The following TENM1 variants were observed in gnomAD, a reference collection of about 807,000 sequenced individuals.
TENM1 encodes teneurin-1.
Under a neutral mutation model 174.8 loss-of-function variants are expected in TENM1, and 35 were observed. The observed-to-expected ratio is 0.20, with a 90% CI of 0.15 to 0.27. TENM1 has a LOEUF of 0.27. Ranked by LOEUF, TENM1 falls within the 10% of genes least tolerant of loss-of-function variation. The pLI is 1.00. For synonymous variants in TENM1, 781 were observed against 798.7 expected (o/e 0.98, Z 0.37); for missense variants, 1,633 against 2,130.1 (o/e 0.77, Z 4.59).
At chrX:125,032,854 T>A in the TENM1 span, among the ~76,000 whole-genome samples, 1 of 111,769 alleles carries the variant, frequency 8.9e-6, no homozygotes, top group Non-Finnish European at 1.9e-5. Context: ...GATTCTTGCA[T>A]GTGATTTTTG....
chrX:124,459,367 C>A (rs1364252945), intron 22 of TENM1, among the ~76,000 whole-genome samples: 2 of 111,201 alleles, frequency 1.8e-5, no homozygotes, highest in African/African-American at 6.5e-5. Context: ...TCATTCAATC[C>A]TCCCAACAGC....
At position 124,587,077 on chromosome X, in the gene TENM1, T is replaced by A. The variant is rs1193346425; in HGVS notation, c.2078-21517A>T. Reference sequence around the variant, plus strand: ...TGGAAGAACATTCCATGCTCATGGGTAGGAAGAATCAATATCGTGAAAATG... The same window carrying A: ...TGGAAGAACATTCCATGCTCATGGGAAGGAAGAATCAATATCGTGAAAATG... On this transcript the variant is annotated intron_variant, in intron 11 of 31. Transcript: ENST00000422452. Among the ~76,000 whole-genome samples the A allele has an allele frequency of 1.9e-4, 21 of 107,999 alleles. No homozygotes were observed. In the East Asian group the frequency reaches 2.3e-3, roughly 12 times the overall value. 93.8% of individuals were successfully genotyped at this position (107,999 alleles called of 115,157 possible). A position where few individuals can be genotyped will look rare whatever the true frequency, so the allele number is the denominator to read the frequency against.
chrX:124,757,725 A>T (rs191228822), intron 3 of TENM1, among the ~76,000 whole-genome samples: 69 of 112,643 alleles, frequency 6.1e-4, no homozygotes, highest in Middle Eastern at 4.6e-3. Context: ...TAGTCTTAAA[A>T]TTCGAGGGAT....
At chrX:124,962,059 TAGGTGATACA>T (rs1315626909) in intron 1 of TENM1, among the ~76,000 whole-genome samples, 1 of 111,563 alleles carries the variant, frequency 9.0e-6, no homozygotes, top group Admixed American at 9.5e-5. Context: ...TTAACAGATG[TAGGTGATACA>T]AGGAAGATGA....
chrX:124,812,674 C>T (rs955125761), intron 3 of TENM1, among the ~76,000 whole-genome samples: 7 of 111,050 alleles, frequency 6.3e-5, no homozygotes, highest in Admixed American at 1.9e-4. Context: ...ACTGTGGTAA[C>T]AAGGAAAAAT....
the TENM1 span, among the ~76,000 whole-genome samples, chrX:125,025,686 G>A: frequency 3.5e-4 from 39 of 111,214 alleles, no homozygotes; most frequent in African/African-American, 1.1e-3. Flanking sequence ...ATTAGTGACC[G>A]GGGAAGAAAA....
chrX:124,764,683 T>G (rs1177564966), intron 3 of TENM1, among the ~76,000 whole-genome samples: 1 of 81,571 alleles, frequency 1.2e-5, no homozygotes, highest in African/African-American at 5.9e-5. Context: ...TTTGGACTGT[T>G]TTTTTTTTTT....
At chrX:125,092,010 A>AAAG in the TENM1 span, among the ~76,000 whole-genome samples, 4 of 106,597 alleles carry the variant, frequency 3.8e-5, no homozygotes, top group African/African-American at 1.4e-4. Context: ...AAAAAAAAAA[A>AAAG]AGATTGGTTT....
chrX:124,636,313 G>A (rs1223515453), intron 11 of TENM1, among the ~76,000 whole-genome samples: 1 of 111,809 alleles, frequency 8.9e-6, no homozygotes, highest in Non-Finnish European at 1.9e-5. Flanking sequence ...AATCACAGAA[G>A]GACTATTCCT....
At chrX:124,676,042 C>G (rs1181678157) in intron 5 of TENM1, among the ~76,000 whole-genome samples, 1 of 105,646 alleles carries the variant, frequency 9.5e-6, no homozygotes, top group Non-Finnish European at 2.0e-5. Flanking sequence ...AACACTCATA[C>G]ACATAAGTCC....
chrX:125,144,244 A>G, the TENM1 span, among the ~76,000 whole-genome samples: 1 of 111,802 alleles, frequency 8.9e-6, no homozygotes, highest in Non-Finnish European at 1.9e-5. Flanking sequence ...GAATAATATA[A>G]TTATAGTTGT....
At chrX:125,121,813 T>G in the TENM1 span, among the ~76,000 whole-genome samples, 1 of 112,719 alleles carries the variant, frequency 8.9e-6, no homozygotes, top group Admixed American at 9.4e-5. Flanking sequence ...GGCTCACTCC[T>G]GTAATCACCA....
chrX:124,557,887 T>G (rs2048730139), intron 14 of TENM1, among the ~76,000 whole-genome samples: 1 of 112,043 alleles, frequency 8.9e-6, no homozygotes, highest in Admixed American at 9.5e-5. Context: ...GGTGATCATA[T>G]GTAACCAACT....
intron 22 of TENM1, among the ~76,000 whole-genome samples, chrX:124,460,373 A>G (rs1450458094): frequency 8.9e-6 from 1 of 112,095 alleles, no homozygotes; most frequent in Non-Finnish European, 1.9e-5. Flanking sequence ...TGTGGTACAT[A>G]TACACCATGG....
At chrX:124,464,382 T>G (rs1297957368) in intron 22 of TENM1, among the ~76,000 whole-genome samples, 2 of 112,134 alleles carry the variant, frequency 1.8e-5, no homozygotes, top group Non-Finnish European at 3.8e-5. Flanking sequence ...AAGCCAATAG[T>G]GCTCACTATT....
At chrX:125,060,197 A>T in the TENM1 span, among the ~76,000 whole-genome samples, 2 of 108,325 alleles carry the variant, frequency 1.8e-5, no homozygotes, top group Admixed American at 1.0e-4. Context: ...ACACACACAC[A>T]CACACACACA....
the TENM1 span, among the ~76,000 whole-genome samples, chrX:125,070,248 CTG>C: frequency 1.8e-5 from 2 of 110,353 alleles, no homozygotes; most frequent in Admixed American, 9.8e-5. Context: ...TGGTATTTCA[CTG>C]TGTTTTTGAT....
chrX:125,003,006 T>C, the TENM1 span, among the ~76,000 whole-genome samples: 2 of 112,016 alleles, frequency 1.8e-5, no homozygotes, highest in Admixed American at 1.9e-4. Flanking sequence ...AAAAGGAACA[T>C]TATAGATAGC....
exon 30 of TENM1, chrX:124,384,343 A>C: frequency 1.7e-6 from 2 of 1,210,950 alleles, no homozygotes; most frequent in Non-Finnish European, 1.1e-6. Context: ...GAGTAAGACG[A>C]GCACTCTTCC....
Sources: gnomAD v4.1 joint callset for allele counts (sites outside exome capture counted in the v4.1 genomes callset) on GRCh38, gnomAD v4.1.1 for gene constraint, MANE v1.5 for transcripts, NCBI Gene and HGNC (gene_info 2026-07-23, HGNC 2026-07-21) for gene names.